Variants in GNPTAB observed in about 807,000 individuals in gnomAD.
GNPTAB encodes N-acetylglucosamine-1-phosphotransferase subunits alpha/beta.
Under a neutral mutation model 136.6 loss-of-function variants are expected in GNPTAB, and 92 were observed. The observed-to-expected ratio is 0.67, with a 90% CI of 0.57 to 0.80. The LOEUF is 0.80. Among genes scored for constraint, GNPTAB ranks in the 30% least tolerant of loss-of-function variants. The pLI, the probability that GNPTAB is intolerant of heterozygous loss-of-function variation, is 0.00. For synonymous variants in GNPTAB, 512 were observed against 535.1 expected, an observed-to-expected ratio of 0.96 and a Z score of 0.60; for missense variants, 1,343 against 1,501.8, an observed-to-expected ratio of 0.89 and a Z score of 1.75.
At chr12:101,823,566 C>T (rs976072876) in intron 1 of GNPTAB, among the ~76,000 whole-genome samples, 4 of 144,092 alleles carry the variant, frequency 2.8e-5, no homozygotes, top group East Asian at 2.1e-4. Context: ...GCTGAGATTG[C>T]GCCACTGCAC....
chr12:101,808,749 C>A (rs745603213), intron 1 of GNPTAB, among the ~76,000 whole-genome samples: 10 of 152,138 alleles, frequency 6.6e-5, no homozygotes, highest in Non-Finnish European at 1.2e-4. Flanking sequence ...GAGTTCGAGA[C>A]CAGCCTGGCC....
rs776540837 is a variant in GNPTAB, at chr12:101,830,722, C to T, written c.-47G>A. 2 of 1,136,302 alleles carry T rather than the reference C, an allele frequency of 1.8e-6. No homozygotes were observed. The highest frequency in any genetic ancestry group is 1.6e-5 in the African/African-American group (1 of 62,486). 70.4% of individuals were successfully genotyped at this position (1,136,302 alleles called of 1,614,324 possible). ...CGCCCCGAGGAGCCTGAGCCGCCGC[C>T]GCCGCCGCCGCCGCCTCAGCGAGCC... On this transcript the variant is annotated 5_prime_UTR_variant, in exon 1 of 21. Transcript: ENST00000299314.
chr12:101,817,442 A>G (rs975059292), intron 1 of GNPTAB, among the ~76,000 whole-genome samples: 6 of 151,408 alleles, frequency 4.0e-5, no homozygotes, highest in Non-Finnish European at 7.4e-5. Context: ...TAAGTTTTGT[A>G]TTTTTTTGTA....
At chr12:101,820,043 A>G (rs1447597026) in intron 1 of GNPTAB, among the ~76,000 whole-genome samples, 1 of 152,088 alleles carries the variant, frequency 6.6e-6, no homozygotes, top group Non-Finnish European at 1.5e-5. Flanking sequence ...CTTCATGAGC[A>G]CTCTGGCCAC....
At chr12:101,787,467 T>C (rs1868719444) in intron 4 of GNPTAB, among the ~76,000 whole-genome samples, 1 of 152,188 alleles carries the variant, frequency 6.6e-6, no homozygotes, top group South Asian at 2.1e-4. Context: ...TTTATAAAAT[T>C]TTGTGAGTTT....
intron 2 of GNPTAB, among the ~76,000 whole-genome samples, chr12:101,792,185 C>A (rs1054505562): frequency 1.3e-5 from 2 of 152,092 alleles, no homozygotes; most frequent in Non-Finnish European, 2.9e-5. Context: ...AGGAAGCCAG[C>A]CAGGTGGGTA....
At chr12:101,765,485 G>A (rs1345396243) in intron 12 of GNPTAB, 181 bp from the exon 13 acceptor site, 4 of 598,706 alleles carry the variant, frequency 6.7e-6, no homozygotes, top group East Asian at 5.6e-5. Flanking sequence ...TCTAATTTTA[G>A]TATATGTGCT....
At chr12:101,795,717 C>A (rs934806835) in intron 2 of GNPTAB, among the ~76,000 whole-genome samples, 5 of 151,364 alleles carry the variant, frequency 3.3e-5, no homozygotes, top group African/African-American at 9.7e-5. Context: ...CGTGCCACTG[C>A]GCTCCAGCCT....
chr12:101,800,409 C>A (rs975793869), intron 1 of GNPTAB, among the ~76,000 whole-genome samples: 1 of 151,774 alleles, frequency 6.6e-6, no homozygotes, highest in Non-Finnish European at 1.5e-5. Flanking sequence ...TAGAGAACAT[C>A]AAAACTAATT....
rs1407254799 is a variant in GNPTAB at position 101,770,090 on chromosome 12, T to C, written c.1215A>G (p.Leu405=). The change falls in exon 10 of 21, where the codon CTA becomes CTG. Residue 405 remains leucine (L), a synonymous_variant. Coordinates refer to ENST00000299314, the MANE Select transcript of GNPTAB (RefSeq NM_024312.5). ...IEGLSQKFIY[L]NDDVMFGKDV... ...CCTTCCCAAACATGACATCATCATTTAGGTAAATAAACTTCTGGGACAGCC... is the reference window on the plus strand; with the variant it reads ...CCTTCCCAAACATGACATCATCATTCAGGTAAATAAACTTCTGGGACAGCC... 2 of 1,614,128 alleles carry C rather than the reference T, an allele frequency of 1.2e-6. No individual in the cohort carries two copies. The highest frequency in any genetic ancestry group is 1.7e-6 in the Non-Finnish European group (2 of 1,179,998).
chr12:101,786,263 A>G, intron 4 of GNPTAB, 46 bp from the exon 5 acceptor site: 1 of 1,462,250 alleles, frequency 6.8e-7, no homozygotes, highest in African/African-American at 1.4e-5. Context: ...CTTGAAATTT[A>G]ATCAGCAATG....
At chr12:101,791,776 A>C (rs528665201) in intron 2 of GNPTAB, among the ~76,000 whole-genome samples, 5 of 152,360 alleles carry the variant, frequency 3.3e-5, no homozygotes, top group African/African-American at 1.2e-4. Context: ...TTGGTAGCTA[A>C]ATCTTTTGAA....
At position 101,770,010 on chromosome 12, in the gene GNPTAB, T is replaced by TA. The variant is rs1386461541; in HGVS notation, c.1284+10dup. 1.2e-6 allele frequency: 2 copies of TA among 1,613,132 alleles called. No individual in the cohort carries two copies. The highest frequency in any genetic ancestry group is 4.5e-5 in the East Asian group (2 of 44,880). On this transcript the variant is annotated intron_variant, in intron 10 of 20. Transcript: ENST00000299314. Reference sequence around the variant, plus strand: ...CCACGCTAGACAACCCCCCTCCTCTTAGGCACTCACCTTCTGGCCTTTGGA... The same window carrying TA: ...CCACGCTAGACAACCCCCCTCCTCTTAAGGCACTCACCTTCTGGCCTTTGGA...
rs1477041772 is a variant in GNPTAB, at chr12:101,780,607, A to G, written c.586T>C (p.Ser196Pro). ...CTGCTATTTCCTTTAAGCAGTCCAG[A>G]GTGGGCATCTTCAACTACAACCAAG... is the stretch of plus-strand genomic sequence containing the variant. ...DSTKDVEDAH[S>P]GLLKGNSRQT... Residue 196 changes from serine (S) to proline (P), a missense_variant, in exon 6 of 21, where the codon TCT becomes CCT. Coordinates refer to ENST00000299314, the MANE Select transcript of GNPTAB (RefSeq NM_024312.5). The G allele has an allele frequency of 1.9e-6, 3 of 1,609,680 alleles. No individual in the cohort carries two copies. The highest frequency in any genetic ancestry group is 1.7e-5 in the Admixed American group (1 of 60,008).
At chr12:101,830,004 CAAAAA>C (rs35884808) in intron 1 of GNPTAB, among the ~76,000 whole-genome samples, 18 of 106,136 alleles carry the variant, frequency 1.7e-4, no homozygotes, top group East Asian at 1.0e-3. Flanking sequence ...AACCTCCTAC[CAAAAA>C]AAAAAAAAAA....
intron 13 of GNPTAB, 119 bp from the exon 14 acceptor site, chr12:101,761,882 T>C (rs990378745): frequency 1.3e-6 from 1 of 776,858 alleles, no homozygotes; most frequent in African/African-American, 1.7e-5. Flanking sequence ...TAGGAGCAAA[T>C]GAAATACATG....
At chr12:101,759,764 G>A (rs1952964318) in intron 16 of GNPTAB, among the ~76,000 whole-genome samples, 1 of 152,146 alleles carries the variant, frequency 6.6e-6, no homozygotes, top group South Asian at 2.1e-4. Flanking sequence ...GAATACTCTG[G>A]GGCTATTTTC....
At chr12:101,827,301 A>G (rs1479631408) in intron 1 of GNPTAB, among the ~76,000 whole-genome samples, 1 of 151,970 alleles carries the variant, frequency 6.6e-6, no homozygotes, top group African/African-American at 2.4e-5. Flanking sequence ...GGGTTTCGCC[A>G]TGTTGCCCAG....
intron 1 of GNPTAB, among the ~76,000 whole-genome samples, chr12:101,811,638 CTT>C (rs34690912): frequency 3.4e-4 from 46 of 134,704 alleles, no homozygotes; most frequent in Admixed American, 9.7e-4. Flanking sequence ...GTGCTACACA[CTT>C]TTTTTTTTTT....
Sources: gnomAD v4.1 joint callset for allele counts (sites outside exome capture counted in the v4.1 genomes callset) on GRCh38, gnomAD v4.1.1 for gene constraint, MANE v1.5 for transcripts, NCBI Gene and HGNC (gene_info 2026-07-23, HGNC 2026-07-21) for gene names.